The following KIF13B variants were observed in gnomAD, a reference collection of about 807,000 sequenced individuals.
KIF13B encodes the protein kinesin-like protein KIF13B.
Under a neutral mutation model 222.0 loss-of-function variants are expected in KIF13B, and 127 were observed. That is an observed-to-expected ratio of 0.57 (90% CI 0.50 to 0.66). KIF13B has a LOEUF of 0.66. Among genes scored for constraint, KIF13B ranks in the 30% least tolerant of loss-of-function variants. KIF13B has a pLI of 0.00. For synonymous variants in KIF13B, 976 were observed against 919.0 expected (o/e 1.06, Z -1.12); for missense variants, 2,173 against 2,379.0 (o/e 0.91, Z 1.80).
chr8:29,170,475 T>C (rs1205101157), intron 10 of KIF13B, among the ~76,000 whole-genome samples: 1 of 152,102 alleles, frequency 6.6e-6, no homozygotes, highest in Non-Finnish European at 1.5e-5. Context: ...AAATACAATA[T>C]GGTCTAAAAC....
intron 1 of KIF13B, chr8:29,249,980 T>C: frequency 7.9e-7 from 1 of 1,264,758 alleles, no homozygotes; most frequent in Non-Finnish European, 1.0e-6. Context: ...AACATGCAAT[T>C]TTACCTCTTC....
At chr8:29,161,361 G>A (rs1251307013) in intron 12 of KIF13B, among the ~76,000 whole-genome samples, 3 of 152,110 alleles carry the variant, frequency 2.0e-5, no homozygotes, top group Non-Finnish European at 2.9e-5. Flanking sequence ...TCTCACTCCT[G>A]TCAAACCCAG....
intron 21 of KIF13B, among the ~76,000 whole-genome samples, chr8:29,134,855 A>C (rs544358020): frequency 7.9e-5 from 12 of 152,280 alleles, no homozygotes; most frequent in African/African-American, 2.9e-4. Flanking sequence ...ATTTACGGAA[A>C]GCCTTCTCTA....
chr8:29,210,312 G>A (rs571394892), intron 2 of KIF13B, among the ~76,000 whole-genome samples: 2 of 152,240 alleles, frequency 1.3e-5, no homozygotes, highest in African/African-American at 4.8e-5. Context: ...CACACAGACA[G>A]CCCTACAGAT....
intron 32 of KIF13B, among the ~76,000 whole-genome samples, chr8:29,110,872 T>A (rs1809324549): frequency 6.6e-6 from 1 of 152,248 alleles, no homozygotes. Flanking sequence ...TTTCTTATAA[T>A]AATGCCAAAA....
At chr8:29,072,373 A>T in intron 38 of KIF13B, 57 bp from the exon 39 acceptor site, 1 of 1,218,952 alleles carries the variant, frequency 8.2e-7, no homozygotes, top group Non-Finnish European at 1.1e-6. Flanking sequence ...ACACGAACCA[A>T]GCAGGCAGCT....
At chr8:29,094,116 A>G (rs1329758562) in intron 36 of KIF13B, among the ~76,000 whole-genome samples, 2 of 152,192 alleles carry the variant, frequency 1.3e-5, no homozygotes, top group Non-Finnish European at 2.9e-5. Context: ...TGAGACCATC[A>G]GACATTATGT....
chr8:29,180,111 T>G lies in KIF13B; in HGVS notation c.713A>C (p.Lys238Thr). 1 of 1,613,976 alleles carries G rather than the reference T, an allele frequency of 6.2e-7. No homozygotes were observed. Among genetic ancestry groups the G allele is most frequent in the Non-Finnish European group, 8.5e-7 (1 of 1,179,870 alleles). Residue 238 changes from lysine to threonine, a missense_variant, in exon 8 of 40, where the codon AAG (lysine) becomes ACG (threonine). Physicochemically the swap from Lys to Thr is moderately conservative, Grantham distance 78. Transcript: ENST00000524189. ...ITLTHTLYDV[K>T]SGTSGEKVGK... is the part of the protein sequence containing the mutation. ...ATGCATCTGAACACCTACCCCAGACTTCACATCGTAGAGAGTATGTGTGAG... is the reference window on the plus strand; with the variant it reads ...ATGCATCTGAACACCTACCCCAGACGTCACATCGTAGAGAGTATGTGTGAG...
chr8:29,185,222 C>G (rs1399434999), intron 6 of KIF13B, among the ~76,000 whole-genome samples: 1 of 152,098 alleles, frequency 6.6e-6, no homozygotes, highest in Non-Finnish European at 1.5e-5. Context: ...TAGTTCTCAC[C>G]CAACTTCCCA....
At position 29,070,658 on chromosome 8, in the gene KIF13B, C is replaced by G. The variant is rs764060371; in HGVS notation, c.5327G>C (p.Arg1776Pro). 2.1e-4 allele frequency: 322 copies of G among 1,562,848 alleles called. No individual in the cohort carries two copies. The highest frequency in any genetic ancestry group is 6.7e-4 in the Middle Eastern group (4 of 6,004). Reference protein sequence around the residue: ...RVRRATGPVRRRSTGLRLGAP... With the variant: ...RVRRATGPVRPRSTGLRLGAP... ...ACCCAGCCGGAGTCCTGTGCTGCGC[C>G]GCCGCACAGGGCCCGTGGCCCTGCG... The change falls in exon 40 of 40, where the codon CGG becomes CCG. Residue 1776 changes from arginine to proline, a missense_variant. This residue lies in a region of KIF13B where 693 missense variants were observed against 656.2 expected (regional missense o/e 1.06). Coordinates refer to ENST00000524189, the MANE Select transcript of KIF13B (RefSeq NM_015254.4). This position sits in a 1 kb window ranked among gnomAD's most constrained non-coding sequence, Gnocchi z 4.1.
intron 6 of KIF13B, among the ~76,000 whole-genome samples, chr8:29,182,235 C>A (rs1287724057): frequency 2.0e-5 from 3 of 152,144 alleles, no homozygotes. Context: ...TTGTGGGATG[C>A]CTATTTACTT....
chr8:29,181,494 G>A (rs1812710414), intron 7 of KIF13B, among the ~76,000 whole-genome samples: 1 of 152,046 alleles, frequency 6.6e-6, no homozygotes, highest in Non-Finnish European at 1.5e-5. Context: ...AATCCTACCT[G>A]ACACACATCA....
chr8:29,076,213 A>T (rs1460226894), intron 37 of KIF13B, among the ~76,000 whole-genome samples: 1 of 152,182 alleles, frequency 6.6e-6, no homozygotes, highest in Non-Finnish European at 1.5e-5. Flanking sequence ...AGAAGCTGGG[A>T]ACATGCCACT....
At chr8:29,130,461 C>T (rs1200916820) in intron 24 of KIF13B, 72 bp downstream of exon 24, 13 of 1,460,396 alleles carry the variant, frequency 8.9e-6, no homozygotes, top group Non-Finnish European at 1.2e-5. Flanking sequence ...GCCAACATTT[C>T]CACTAAAAAG....
In KIF13B at chr8:29,141,913, G is replaced by T. The variant is rs138008024; in HGVS notation, c.2334+244C>A. ...CCGCACACCAACAGAAGTCAGAATG[G>T]AAAGTGGAGAATTCTGCTAGAAATC... On this transcript the variant is annotated intron_variant, in intron 19 of 39. Transcript: ENST00000524189. Among the ~76,000 whole-genome samples the T allele has an allele frequency of 3.2e-3, 480 of 152,262 alleles. 3 individuals are homozygous for T. The highest frequency in any genetic ancestry group is 0.011 in the African/African-American group (456 of 41,552).
intron 37 of KIF13B, among the ~76,000 whole-genome samples, chr8:29,081,141 C>T (rs950104248): frequency 6.6e-6 from 1 of 152,202 alleles, no homozygotes; most frequent in Admixed American, 6.5e-5. Context: ...TCCACAAATA[C>T]AATGACTTGG....
chr8:29,084,141 C>T (rs1164889339), intron 37 of KIF13B, among the ~76,000 whole-genome samples: 1 of 152,198 alleles, frequency 6.6e-6, no homozygotes, highest in Non-Finnish European at 1.5e-5. Flanking sequence ...TGGTCTCAAA[C>T]TCCTGACGTC....
intron 10 of KIF13B, among the ~76,000 whole-genome samples, chr8:29,170,792 C>T (rs1812203384): frequency 6.6e-6 from 1 of 152,170 alleles, no homozygotes; most frequent in Non-Finnish European, 1.5e-5. Flanking sequence ...AATTTGGACT[C>T]TGTGGCTGGG....
At chr8:29,255,648 T>C (rs1259097747) in intron 1 of KIF13B, among the ~76,000 whole-genome samples, 1 of 152,104 alleles carries the variant, frequency 6.6e-6, no homozygotes, top group Non-Finnish European at 1.5e-5. Flanking sequence ...CTCAGAGGAA[T>C]GTTCTTGAGA....
Sources: gnomAD v4.1 joint callset for allele counts (sites outside exome capture counted in the v4.1 genomes callset) on GRCh38, gnomAD v4.1.1 for gene constraint, gnomAD v4.1.1 regional missense constraint, Gnocchi (gnomAD v3.1) non-coding constraint, MANE v1.5 for transcripts, NCBI Gene and HGNC (gene_info 2026-07-23, HGNC 2026-07-21) for gene names.